Variants in CA5A observed in about 807,000 individuals in gnomAD.
CA5A encodes carbonic anhydrase 5A, mitochondrial.
Under a neutral mutation model 37.1 loss-of-function variants are expected in CA5A, and 28 were observed. That is an observed-to-expected ratio of 0.75 (90% CI 0.56 to 1.03). The LOEUF (loss-of-function observed/expected upper bound fraction) is 1.03, where lower values mean the gene tolerates loss of function less well. Among genes scored for constraint, CA5A ranks in the 50% least tolerant of loss-of-function variants. The pLI, the probability that CA5A is intolerant of heterozygous loss-of-function variation, is 0.00. For missense variants in CA5A, 444 were observed against 399.9 expected (o/e 1.11, Z -0.94); for synonymous variants, 171 against 158.4 (o/e 1.08, Z -0.60).
intron 2 of CA5A, chr16:87,923,758 T>C (rs2144053338): frequency 2.0e-6 from 2 of 985,092 alleles, no homozygotes; most frequent in Non-Finnish European, 2.4e-6. Flanking sequence ...AACAAATCAG[T>C]TATTAAAATA....
chr16:87,915,744 C>CCAGT (rs2056131189), intron 2 of CA5A, among the ~76,000 whole-genome samples: 1 of 150,256 alleles, frequency 6.7e-6, no homozygotes, highest in Admixed American at 6.6e-5. Context: ...CCATCACCAC[C>CCAGT]CAGTAAACAT....
chr16:87,923,089 C>G (rs75112276), intron 2 of CA5A, among the ~76,000 whole-genome samples: 8,490 of 152,300 alleles, frequency 0.056, 295 homozygotes, highest in South Asian at 0.1. Flanking sequence ...CCTTGGCAGT[C>G]GCCCCTTCTC....
At chr16:87,891,758 T>G (rs1243735358) in intron 6 of CA5A, 41 bp downstream of exon 6, 1 of 1,449,992 alleles carries the variant, frequency 6.9e-7, no homozygotes, top group African/African-American at 1.5e-5. Context: ...GAGGGACGCC[T>G]TCCATGAAGC....
intron 1 of CA5A, among the ~76,000 whole-genome samples, chr16:87,933,224 T>C (rs1224679620): frequency 1.3e-5 from 2 of 152,248 alleles, no homozygotes; most frequent in Non-Finnish European, 1.5e-5. Flanking sequence ...TTTAGAATCT[T>C]TGATTTCTAG....
chr16:87,890,788 G>C (rs138268449), intron 6 of CA5A, among the ~76,000 whole-genome samples: 1 of 150,406 alleles, frequency 6.6e-6, no homozygotes, highest in African/African-American at 2.4e-5. Flanking sequence ...GCTAATTTTT[G>C]TATTTTTATT....
chr16:87,914,019 T>A (rs950576361), intron 2 of CA5A, among the ~76,000 whole-genome samples: 8 of 152,310 alleles, frequency 5.3e-5, no homozygotes, highest in African/African-American at 1.7e-4. Flanking sequence ...CCCGATGACC[T>A]TTTCCCGGAC....
At chr16:87,906,017 G>A (rs1223084883) in intron 2 of CA5A, among the ~76,000 whole-genome samples, 8 of 152,210 alleles carry the variant, frequency 5.3e-5, no homozygotes, top group African/African-American at 1.7e-4. Flanking sequence ...CCAGGGGTTC[G>A]GATGTGGGTG....
intron 2 of CA5A, among the ~76,000 whole-genome samples, chr16:87,912,492 T>A (rs1178672590): frequency 6.6e-6 from 1 of 152,164 alleles, no homozygotes; most frequent in African/African-American, 2.4e-5. Flanking sequence ...TTGCCAACCA[T>A]GCAAGCATAA....
At chr16:87,886,307 G>C (rs1187264182), downstream of CA5A, 1 of 151,960 alleles carries the variant, frequency 6.6e-6, no homozygotes, top group Non-Finnish European at 1.5e-5. Context: ...GCACCACCAA[G>C]CTCGGCTAAT....
chr16:87,924,402 C>T (rs372207564), intron 2 of CA5A: 1 of 789,666 alleles, frequency 1.3e-6, no homozygotes, highest in Non-Finnish European at 1.5e-6. Flanking sequence ...TGTGTAGGGC[C>T]TGGCACAGAG....
At chr16:87,898,508 C>A (rs550984670) in intron 5 of CA5A, among the ~76,000 whole-genome samples, 8 of 152,300 alleles carry the variant, frequency 5.3e-5, no homozygotes, top group Admixed American at 2.0e-4. Context: ...TGGGAATCAC[C>A]TGACAGAAAG....
In CA5A at chr16:87,891,723, G is replaced by C. The variant is rs866424071; in HGVS notation, c.774+76C>G. ...TATAACTCCACAACGCTCTCATGCA[G>C]CATCTTAGTGACGCTGCCAAGCAAG... On this transcript the variant is annotated intron_variant, in intron 6 of 6. Coordinates refer to ENST00000649794, the MANE Select transcript of CA5A (RefSeq NM_001739.2). The C allele has an allele frequency of 2.8e-5, 35 of 1,254,298 alleles. No individual in the cohort carries two copies. The African/African-American group carries it at 4.1e-4, about 15-fold the overall frequency. 77.7% of individuals were successfully genotyped at this position (1,254,298 alleles called of 1,614,324 possible).
At chr16:87,892,673 CTTT>C (rs368479550) in intron 5 of CA5A, among the ~76,000 whole-genome samples, 20 of 129,200 alleles carry the variant, frequency 1.5e-4, no homozygotes, top group African/African-American at 5.3e-4. Flanking sequence ...CCATCTTAAC[CTTT>C]TTTTTTTTTT....
At position 87,926,408 on chromosome 16, in the gene CA5A, G is replaced by C. The variant is rs374837309; in HGVS notation, c.340+340C>G. ...CCGCTGCCTTCTGAGTTCCTCTTCCGACGCGCAAAGTGTTCGCATTTCAAT... is the reference window on the plus strand; with the variant it reads ...CCGCTGCCTTCTGAGTTCCTCTTCCCACGCGCAAAGTGTTCGCATTTCAAT... On this transcript the variant is annotated intron_variant, in intron 2 of 6. Transcript: ENST00000649794. Among the ~76,000 whole-genome samples the C allele has an allele frequency of 5.3e-5, 8 of 152,232 alleles. No homozygotes were observed. The East Asian group carries it at 1.4e-3, about 26-fold the overall frequency.
At chr16:87,887,015 G>C (rs990041396), downstream of CA5A, 4 of 152,154 alleles carry the variant, frequency 2.6e-5, no homozygotes, top group African/African-American at 9.7e-5. Flanking sequence ...CGATTCTCCT[G>C]CCTCAGTCTC....
chr16:87,899,520 T>G (rs546668774), intron 5 of CA5A, among the ~76,000 whole-genome samples: 1 of 150,310 alleles, frequency 6.7e-6, no homozygotes. Flanking sequence ...CCAGGCTGGT[T>G]TTGAACACCT....
chr16:87,936,424 G>A lies in CA5A; in HGVS notation c.27C>T (p.Thr9=). 1 of 1,614,010 alleles carries A rather than the reference G, an allele frequency of 6.2e-7. No homozygotes were observed. The highest frequency in any genetic ancestry group is 1.3e-5 in the African/African-American group (1 of 75,048). ...GCTCAACCAAGAAGGAGAAAGCTGA[G>A]GTCTTCCAAGTGTTCCTCCCCAACA... MLGRNTWK[T]SAFSFLVEQM... The change falls in exon 1 of 7, where the codon ACC becomes ACT. Residue 9 remains threonine (T), a synonymous_variant. Coordinates refer to ENST00000649794, the MANE Select transcript of CA5A (RefSeq NM_001739.2).
In CA5A at chr16:87,916,022, C is replaced by CAGG. The variant is rs2056136584; in HGVS notation, c.340+10725_340+10726insCCT. Among the ~76,000 whole-genome samples, 3 of 151,774 alleles carry CAGG rather than the reference C, an allele frequency of 2.0e-5. 1 individual carries two copies. In the South Asian group the frequency reaches 6.3e-4, roughly 32 times the overall value. Reference sequence around the variant, plus strand: ...AAAGGCAGGTCTTGCATGGGGGCAGCCAAGAGACAGAATGAGAACCAAGCA... The same window carrying CAGG: ...AAAGGCAGGTCTTGCATGGGGGCAGCAGGCAAGAGACAGAATGAGAACCAAGCA... On this transcript the variant is annotated intron_variant, in intron 2 of 6. Coordinates refer to ENST00000649794, the MANE Select transcript of CA5A (RefSeq NM_001739.2).
chr16:87,920,083 T>C (rs1246028127), intron 2 of CA5A, among the ~76,000 whole-genome samples: 1 of 152,092 alleles, frequency 6.6e-6, no homozygotes, highest in African/African-American at 2.4e-5. Flanking sequence ...CCAGCTTCCC[T>C]GAGGACAAGG....
Sources: gnomAD v4.1 joint callset for allele counts (sites outside exome capture counted in the v4.1 genomes callset) on GRCh38, gnomAD v4.1.1 for gene constraint, MANE v1.5 for transcripts, NCBI Gene and HGNC (gene_info 2026-07-23, HGNC 2026-07-21) for gene names.